Variants in PITPNM2 observed in about 807,000 individuals in gnomAD.
PITPNM2 encodes membrane-associated phosphatidylinositol transfer protein 2.
In PITPNM2, 35 loss-of-function variants were observed where a neutral mutation model predicts 132.2. The ratio of observed to expected loss-of-function variants is 0.26; its 90% CI spans 0.20 to 0.35. The LOEUF is 0.35. Ranked by LOEUF, PITPNM2 falls within the 10% of genes least tolerant of loss-of-function variation. The pLI is 1.00. For missense variants in PITPNM2, 1,332 were observed against 1,912.0 expected (o/e 0.70, Z 5.66); for synonymous variants, 738 against 799.2 (o/e 0.92, Z 1.29).
At chr12:123,045,684 C>A (rs1386475464) in intron 2 of PITPNM2, among the ~76,000 whole-genome samples, 1 of 152,212 alleles carries the variant, frequency 6.6e-6, no homozygotes. Context: ...TTATCAGCTG[C>A]AAATTATGAA....
At chr12:123,089,385 T>C (rs2042199902) in intron 2 of PITPNM2, 1 of 152,208 alleles carries the variant, frequency 6.6e-6, no homozygotes, top group Admixed American at 6.5e-5. Flanking sequence ...TAGAAAGCTC[T>C]GGGTCACTCA....
At chr12:123,141,809 C>T (rs1241113763) in intron 1 of PITPNM2, among the ~76,000 whole-genome samples, 4 of 152,140 alleles carry the variant, frequency 2.6e-5, no homozygotes, top group Admixed American at 2.6e-4. Flanking sequence ...ACTGCCAACA[C>T]CCCACACCCA....
intron 2 of PITPNM2, among the ~76,000 whole-genome samples, chr12:123,059,618 C>T (rs933066622): frequency 1.3e-5 from 2 of 152,226 alleles, no homozygotes; most frequent in African/African-American, 4.8e-5. Context: ...GAGCTCCACC[C>T]AGGCTGCACA....
At chr12:122,991,489 A>T (rs1206543902) in intron 16 of PITPNM2, among the ~76,000 whole-genome samples, 3 of 152,210 alleles carry the variant, frequency 2.0e-5, no homozygotes, top group Non-Finnish European at 4.4e-5. Context: ...ACTGTCGCTG[A>T]CTTGCTGTGT....
In PITPNM2 at chr12:123,008,503, G is replaced by A. The variant is rs1432349089; in HGVS notation, c.643+1347C>T. On this transcript the variant is annotated intron_variant, in intron 6 of 25. Coordinates refer to ENST00000320201, the MANE Select transcript of PITPNM2 (RefSeq NM_020845.3). This position sits in a 1 kb window ranked among gnomAD's most constrained non-coding sequence, Gnocchi z 4.1. Reference sequence around the variant, plus strand: ...CCACTCCTCATATTGCCTGGGAAGTGAGAACCACCATTCCCATTTTGAGGC... The same window carrying A: ...CCACTCCTCATATTGCCTGGGAAGTAAGAACCACCATTCCCATTTTGAGGC... Among the ~76,000 whole-genome samples, 1 of 152,204 alleles carries A rather than the reference G, an allele frequency of 6.6e-6. No individual in the cohort carries two copies.
chr12:123,069,383 G>T (rs758383428), intron 2 of PITPNM2, among the ~76,000 whole-genome samples: 2 of 152,210 alleles, frequency 1.3e-5, no homozygotes, highest in Non-Finnish European at 2.9e-5. Flanking sequence ...GCCCTCCAGA[G>T]AATGAAACAC....
intron 1 of PITPNM2, among the ~76,000 whole-genome samples, chr12:123,134,608 C>A (rs908987224): frequency 6.6e-6 from 1 of 151,764 alleles, no homozygotes; most frequent in Non-Finnish European, 1.5e-5. Context: ...TTCTTGGGTG[C>A]GCCCAGGACA....
rs140130657 is a variant in PITPNM2 at position 123,031,087 on chromosome 12, T to C, written c.78+3426A>G. Among the ~76,000 whole-genome samples, 421 of 152,310 alleles carry C rather than the reference T, an allele frequency of 2.8e-3. No homozygotes were observed. The highest frequency in any genetic ancestry group is 0.011 in the East Asian group (56 of 5,186). ...GTTGGTGGTTGCACAACATTGTGAG[T>C]ATACTAAATGCCACTGAATTGTTCA... On this transcript the variant is annotated intron_variant, in intron 3 of 25. Coordinates refer to ENST00000320201, the MANE Select transcript of PITPNM2 (RefSeq NM_020845.3). The surrounding 1 kb of genome is among the most constrained non-coding windows in gnomAD (Gnocchi z 4.5).
intron 2 of PITPNM2, among the ~76,000 whole-genome samples, chr12:123,044,946 C>G (rs2040605506): frequency 6.6e-6 from 1 of 152,142 alleles, no homozygotes; most frequent in African/African-American, 2.4e-5. Context: ...TGTACCATGC[C>G]TGGCTCCAGT....
At chr12:123,055,792 T>C (rs1372213889) in intron 2 of PITPNM2, among the ~76,000 whole-genome samples, 1 of 151,936 alleles carries the variant, frequency 6.6e-6, no homozygotes, top group African/African-American at 2.4e-5. Context: ...CACATCTTGC[T>C]CCCTTCCCCA....
chr12:122,990,841 C>T (rs989581055), intron 16 of PITPNM2, 132 bp from the exon 17 acceptor site: 8 of 978,610 alleles, frequency 8.2e-6, no homozygotes, highest in Non-Finnish European at 1.2e-5. Flanking sequence ...CCAGAGCCAC[C>T]TGCTCAGGGC....
At chr12:123,093,744 A>G (rs2042331446) in intron 2 of PITPNM2, among the ~76,000 whole-genome samples, 1 of 152,264 alleles carries the variant, frequency 6.6e-6, no homozygotes, top group African/African-American at 2.4e-5. Context: ...GCAGCCCAGG[A>G]GAGACTGCTC....
In PITPNM2 at chr12:123,111,341, A is replaced by C. The variant is rs761084374; in HGVS notation, c.-199-853T>G. 2.0e-5 allele frequency among the ~76,000 whole-genome samples: 3 copies of C among 152,248 alleles called. No individual in the cohort carries two copies. The highest frequency in any genetic ancestry group is 7.2e-5 in the African/African-American group (3 of 41,460). On this transcript the variant is annotated intron_variant, in intron 1 of 25. Transcript: ENST00000320201. The surrounding 1 kb of genome is among the most constrained non-coding windows in gnomAD (Gnocchi z 4.1). ...AGGCTGCTTATCTGCTGGCTATGGAAGCTGGGAGTGTTTCAGGAACTGATG... is the reference window on the plus strand; with the variant it reads ...AGGCTGCTTATCTGCTGGCTATGGACGCTGGGAGTGTTTCAGGAACTGATG...
At chr12:123,034,361 G>C (rs2040200008) in intron 3 of PITPNM2, 152 bp downstream of exon 3, 1 of 691,150 alleles carries the variant, frequency 1.4e-6, no homozygotes, top group Admixed American at 2.7e-5. Context: ...CGTGCCTAGA[G>C]GCCAGGGGTC....
chr12:123,062,177 C>T (rs971375907), intron 2 of PITPNM2, among the ~76,000 whole-genome samples: 6 of 152,138 alleles, frequency 3.9e-5, no homozygotes, highest in African/African-American at 1.4e-4. Flanking sequence ...TCCCCAGACT[C>T]CCTCCCAGAC....
chr12:123,144,621 G>A (rs1225807678), intron 1 of PITPNM2, among the ~76,000 whole-genome samples: 1 of 152,050 alleles, frequency 6.6e-6, no homozygotes. Flanking sequence ...TAGTAGAGAT[G>A]GGGTTTCACC....
At position 123,020,246 on chromosome 12, in the gene PITPNM2, G is replaced by A. The variant is rs547439346; in HGVS notation, c.79-6204C>T. Among the ~76,000 whole-genome samples the A allele has an allele frequency of 1.8e-4, 27 of 151,972 alleles. No homozygotes were observed. In the South Asian group the frequency reaches 2.7e-3, roughly 15 times the overall value. On this transcript the variant is annotated intron_variant, in intron 3 of 25. Transcript: ENST00000320201. Reference sequence around the variant, plus strand: ...AGTGATTCTCCCACCTCAGCCTCCCGAATAGCTGGGATTATAGTCACGCGC... The same window carrying A: ...AGTGATTCTCCCACCTCAGCCTCCCAAATAGCTGGGATTATAGTCACGCGC...
Position 122,985,783 on chromosome 12 carries a change from G to T in PITPNM2, c.*244C>A. 1 of 419,198 alleles carries T rather than the reference G, an allele frequency of 2.4e-6. No homozygotes were observed. Among genetic ancestry groups the T allele is most frequent in the Non-Finnish European group, 4.2e-6 (1 of 239,944 alleles). 26.0% of individuals were successfully genotyped at this position (419,198 alleles called of 1,614,324 possible). A position where few individuals can be genotyped will look rare whatever the true frequency, so the allele number is the denominator to read the frequency against. ...CCTCCCGGGCCAGTCTGAGTGGGAG[G>T]TTCTGGTCCCTCTGCCATCCTGGGG... On this transcript the variant is annotated 3_prime_UTR_variant, in exon 26 of 26. Transcript: ENST00000320201.
At chr12:123,118,485 T>C (rs2042971599) in intron 1 of PITPNM2, among the ~76,000 whole-genome samples, 1 of 152,258 alleles carries the variant, frequency 6.6e-6, no homozygotes, top group African/African-American at 2.4e-5. Flanking sequence ...AGTAAAATCT[T>C]AGCTGTGTGC....
Sources: allele counts gnomAD v4.1 joint callset (sites outside exome capture counted in the v4.1 genomes callset), GRCh38; gene constraint gnomAD v4.1.1; non-coding constraint Gnocchi (gnomAD v3.1); transcripts MANE v1.5; gene names NCBI Gene and HGNC (gene_info 2026-07-23, HGNC 2026-07-21).